Variants in RASSF5 observed in about 807,000 individuals in gnomAD.
RASSF5 encodes the protein Ras association domain family member 5.
A neutral mutation model predicts 40.5 loss-of-function variants in RASSF5; 25 were observed. That is an observed-to-expected ratio of 0.62 (90% CI 0.45 to 0.86). RASSF5 has a LOEUF of 0.86. Among genes scored for constraint, RASSF5 ranks in the 40% least tolerant of loss-of-function variants. The pLI is 0.00. For synonymous variants in RASSF5, 246 were observed against 252.4 expected (o/e 0.97, Z 0.24); for missense variants, 521 against 572.8 (o/e 0.91, Z 0.92).
In RASSF5 at chr1:206,579,116, C is replaced by T. The variant is rs1368468244; in HGVS notation, c.580-4153C>T. Among the ~76,000 whole-genome samples the T allele has an allele frequency of 6.6e-6, 1 of 152,126 alleles. No individual in the cohort carries two copies. The highest frequency in any genetic ancestry group is 1.5e-5 in the Non-Finnish European group (1 of 68,026). On this transcript the variant is annotated intron_variant, in intron 2 of 5. Transcript: ENST00000579436. This position sits in a 1 kb window ranked among gnomAD's most constrained non-coding sequence, Gnocchi z 4.2. ...CCTCCAGAGCTAAAAGAAGACATTG[C>T]CCTTTTCCACCGCATAGGACATGTG...
intron 2 of RASSF5, among the ~76,000 whole-genome samples, chr1:206,569,411 C>G (rs1275504538): frequency 6.6e-6 from 1 of 152,186 alleles, no homozygotes; most frequent in Admixed American, 6.5e-5. Context: ...CAGGTAGCAA[C>G]CCTCAGAGAG....
At chr1:206,583,245 C>A (rs781907207) in intron 2 of RASSF5, 24 bp from the exon 3 acceptor site, 28 of 1,495,340 alleles carry the variant, frequency 1.9e-5, no homozygotes, top group Non-Finnish European at 1.7e-5. Flanking sequence ...TACACATCCA[C>A]CTCCACTTCT....
At chr1:206,576,381 C>G (rs1668660140) in intron 2 of RASSF5, among the ~76,000 whole-genome samples, 1 of 152,220 alleles carries the variant, frequency 6.6e-6, no homozygotes, top group Non-Finnish European at 1.5e-5. Context: ...CTGTCTACCT[C>G]CATCCCTACC....
chr1:206,554,230 A>G (rs1553401451), intron 2 of RASSF5, among the ~76,000 whole-genome samples: 6 of 152,166 alleles, frequency 3.9e-5, no homozygotes. Context: ...TGGATAGTTG[A>G]GGAAACCTGA....
intron 2 of RASSF5, among the ~76,000 whole-genome samples, chr1:206,575,797 G>T (rs576572165): frequency 6.6e-6 from 1 of 152,224 alleles, no homozygotes; most frequent in Non-Finnish European, 1.5e-5. Context: ...GACGTCACAG[G>T]TCATTTGATG....
intron 1 of RASSF5, among the ~76,000 whole-genome samples, chr1:206,519,596 T>G (rs1332869060): frequency 2.0e-5 from 3 of 152,162 alleles, no homozygotes; most frequent in Non-Finnish European, 4.4e-5. Context: ...GCATACATAC[T>G]TTTCTTGGGG....
intron 1 of RASSF5, among the ~76,000 whole-genome samples, chr1:206,528,402 G>T (rs77744601): frequency 0.015 from 2,224 of 152,300 alleles, 50 homozygotes; most frequent in African/African-American, 0.051. Context: ...GCCAGGGTTA[G>T]AGAGGAAGAA....
At chr1:206,527,684 G>T (rs1313855483) in intron 1 of RASSF5, among the ~76,000 whole-genome samples, 4 of 152,100 alleles carry the variant, frequency 2.6e-5, no homozygotes, top group Non-Finnish European at 5.9e-5. Flanking sequence ...AGCCTCAGGT[G>T]GGGTACTCTC....
At chr1:206,547,058 C>T (rs1553400291) in intron 2 of RASSF5, among the ~76,000 whole-genome samples, 1 of 152,088 alleles carries the variant, frequency 6.6e-6, no homozygotes. Flanking sequence ...GTCATTTGAG[C>T]CCAGGAGCTC....
chr1:206,521,136 G>A (rs1053350011), intron 1 of RASSF5, among the ~76,000 whole-genome samples: 1 of 152,136 alleles, frequency 6.6e-6, no homozygotes, highest in Non-Finnish European at 1.5e-5. Context: ...CAAGCATGTC[G>A]CCAAGGAGCA....
intron 2 of RASSF5, among the ~76,000 whole-genome samples, chr1:206,550,450 G>A (rs1667807758): frequency 6.6e-6 from 1 of 152,222 alleles, no homozygotes; most frequent in Admixed American, 6.5e-5. Context: ...CATAGTAGGT[G>A]CTGAAGAAGT....
At chr1:206,537,085 C>G (rs555068310) in intron 1 of RASSF5, among the ~76,000 whole-genome samples, 1 of 152,314 alleles carries the variant, frequency 6.6e-6, no homozygotes, top group East Asian at 1.9e-4. Flanking sequence ...CTTCACCTCC[C>G]TTCTGCCAGG....
At chr1:206,538,095 C>T in intron 1 of RASSF5, 77 bp from the exon 2 acceptor site, 1 of 1,598,492 alleles carries the variant, frequency 6.3e-7, no homozygotes, top group Non-Finnish European at 8.6e-7. Context: ...AATGCAATCT[C>T]CAAGGTTATT....
chr1:206,509,458 G>A (rs1553394345), intron 1 of RASSF5, among the ~76,000 whole-genome samples: 1 of 152,256 alleles, frequency 6.6e-6, no homozygotes, highest in African/African-American at 2.4e-5. Context: ...TGTGGGTAGA[G>A]GGGCTGCTGT....
At position 206,587,059 on chromosome 1, in the gene RASSF5, C is replaced by T. The variant is rs1669148007; in HGVS notation, c.*81C>T. The T allele has an allele frequency of 6.6e-7, 1 of 1,521,486 alleles. No homozygotes were observed. The highest frequency in any genetic ancestry group is 1.2e-5 in the South Asian group (1 of 85,092). 94.2% of individuals were successfully genotyped at this position (1,521,486 alleles called of 1,614,324 possible). On this transcript the variant is annotated 3_prime_UTR_variant, in exon 6 of 6. Transcript: ENST00000579436. ...TTATTTTGCAACAGACACTTTTTCTCAGGACATCTCTGGCAGGTGCATTTG... is the reference window on the plus strand; with the variant it reads ...TTATTTTGCAACAGACACTTTTTCTTAGGACATCTCTGGCAGGTGCATTTG...
At chr1:206,562,020 T>A (rs1368663559) in intron 2 of RASSF5, among the ~76,000 whole-genome samples, 1 of 152,190 alleles carries the variant, frequency 6.6e-6, no homozygotes, top group African/African-American at 2.4e-5. Flanking sequence ...CATGCCCCCA[T>A]CTGCCTAGGC....
intron 1 of RASSF5, among the ~76,000 whole-genome samples, chr1:206,525,442 T>C (rs1192101974): frequency 6.6e-6 from 1 of 152,158 alleles, no homozygotes; most frequent in African/African-American, 2.4e-5. Flanking sequence ...AGGGTCTTAC[T>C]CTGTCCCCCA....
At chr1:206,554,503 G>A (rs1290617304) in intron 2 of RASSF5, among the ~76,000 whole-genome samples, 2 of 152,178 alleles carry the variant, frequency 1.3e-5, no homozygotes, top group Non-Finnish European at 2.9e-5. Flanking sequence ...ACCCCAGCAC[G>A]ACGCCATGGA....
At position 206,560,636 on chromosome 1, in the gene RASSF5, A is replaced by G. The variant is rs1239548554; in HGVS notation, c.579+22343A>G. ...TAGATCGTGTTTCTCTGGGTCAGGC[A>G]TGTCACAAATGGGGCCTGGGGGAGA... On this transcript the variant is annotated intron_variant, in intron 2 of 5. Coordinates refer to ENST00000579436, the MANE Select transcript of RASSF5 (RefSeq NM_182663.4). This position sits in a 1 kb window ranked among gnomAD's most constrained non-coding sequence, Gnocchi z 5.1. 1.3e-5 allele frequency among the ~76,000 whole-genome samples: 2 copies of G among 152,192 alleles called. No individual in the cohort carries two copies. The highest frequency in any genetic ancestry group is 4.8e-5 in the African/African-American group (2 of 41,438).
Sources: gnomAD v4.1 joint callset for allele counts (sites outside exome capture counted in the v4.1 genomes callset) on GRCh38, gnomAD v4.1.1 for gene constraint, Gnocchi (gnomAD v3.1) non-coding constraint, MANE v1.5 for transcripts, NCBI Gene and HGNC (gene_info 2026-07-23, HGNC 2026-07-21) for gene names.